The following MYH14 variants were observed in gnomAD, a reference collection of about 807,000 sequenced individuals.
MYH14 encodes myosin-14.
Under a neutral mutation model 255.5 loss-of-function variants are expected in MYH14, and 123 were observed. That is an observed-to-expected ratio of 0.48 (90% confidence interval 0.42 to 0.56). The LOEUF is 0.56. Among genes scored for constraint, MYH14 ranks in the 20% least tolerant of loss-of-function variants. The pLI is 0.00. For missense variants in MYH14, 2,423 were observed against 2,802.3 expected (o/e 0.86, Z 3.06); for synonymous variants, 1,095 against 1,161.2 (o/e 0.94, Z 1.16).
chr19:50,221,205 C>A lies in MYH14; in HGVS notation c.563-1878C>A, dbSNP rs918467210. 2.0e-5 allele frequency among the ~76,000 whole-genome samples: 3 copies of A among 152,128 alleles called. No individual in the cohort carries two copies. The highest frequency in any genetic ancestry group is 7.2e-5 in the African/African-American group (3 of 41,422). Reference sequence around the variant, plus strand: ...GAGTGCATTTTGAGCATTCTGAGTTCTGACTACAGCCCTGGGAGATGGCAG... The same window carrying A: ...GAGTGCATTTTGAGCATTCTGAGTTATGACTACAGCCCTGGGAGATGGCAG... On this transcript the variant is annotated intron_variant, in intron 3 of 42. Coordinates refer to ENST00000642316, the MANE Select transcript of MYH14 (RefSeq NM_001145809.2). This position sits in a 1 kb window ranked among gnomAD's most constrained non-coding sequence, Gnocchi z 5.3.
In MYH14 at chr19:50,250,505, CAATG is replaced by C; in HGVS notation, c.1657-9_1657-6del. 1 of 1,611,264 alleles carries C rather than the reference CAATG, an allele frequency of 6.2e-7. No homozygotes were observed. The highest frequency in any genetic ancestry group is 2.2e-5 in the East Asian group (1 of 44,810). On this transcript the variant is annotated splice_polypyrimidine_tract_variant and splice_region_variant and intron_variant, in intron 14 of 42. Coordinates refer to ENST00000642316, the MANE Select transcript of MYH14 (RefSeq NM_001145809.2). This position sits in a 1 kb window ranked among gnomAD's most constrained non-coding sequence, Gnocchi z 5.4. ...ATCTGACTTACTCTCCCCCTGCTGT[CAATG>C]GCCAGGCCAACCCCCCTGGACTCCT... is the stretch of plus-strand genomic sequence containing the variant.
rs371266692 is a variant in MYH14, at chr19:50,259,182, T to C, written c.2271T>C (p.Leu757=). ...KLEPRLVLDQ[L]RCNGVLEGIR... ...AGCCACGGCTGGTGCTGGACCAGCT[T>C]CGCTGCAACGGGGTCCTGGAGGGCA... is the stretch of plus-strand genomic sequence containing the variant. Residue 757 remains leucine (L), a synonymous_variant, in exon 19 of 43, where the codon CTT becomes CTC. Coordinates refer to ENST00000642316, the MANE Select transcript of MYH14 (RefSeq NM_001145809.2). 1.9e-6 allele frequency: 3 copies of C among 1,568,256 alleles called. No individual in the cohort carries two copies. The African/African-American group carries it at 4.1e-5, about 21-fold the overall frequency.
intron 25 of MYH14, 46 bp downstream of exon 25, chr19:50,271,592 G>T: frequency 6.3e-7 from 1 of 1,582,708 alleles, no homozygotes; most frequent in South Asian, 1.2e-5. Flanking sequence ...GGGGTGCATT[G>T]GTGGGTTAAT....
At position 50,292,360 on chromosome 19, in the gene MYH14, C is replaced by T. The variant is rs147447646; in HGVS notation, c.5227C>T (p.Leu1743=). 4,906 of 1,590,010 alleles carry T rather than the reference C, an allele frequency of 3.1e-3. 7 individuals are homozygous for T. Among genetic ancestry groups the T allele is most frequent in the Non-Finnish European group, 3.9e-3 (4,538 of 1,168,842 alleles). The part of the protein sequence containing the change: ...NRESEKRLKG[L]EAEVLRLQEE... ...GGAAAGTGAAAAGCGCCTCAAGGGC[C>T]TGGAGGCTGAGGTGCTGCGGCTGCA... The change falls in exon 37 of 43, where the codon CTG becomes TTG. Residue 1743 remains leucine, a synonymous_variant. Transcript: ENST00000642316.
At chr19:50,207,095 C>T (rs1046290072) in intron 1 of MYH14, among the ~76,000 whole-genome samples, 11 of 141,036 alleles carry the variant, frequency 7.8e-5, no homozygotes, top group African/African-American at 1.1e-4. Context: ...CCTGATGGTG[C>T]GCACCTGTGG....
chr19:50,225,473 A>C (rs2033044059), intron 6 of MYH14, 112 bp from the exon 7 acceptor site: 2 of 747,942 alleles, frequency 2.7e-6, no homozygotes, highest in African/African-American at 3.5e-5. Context: ...AGACACACAA[A>C]GGCCCCTCAC....
chr19:50,247,218 G>A, intron 12 of MYH14, 96 bp downstream of exon 12: 2 of 848,256 alleles, frequency 2.4e-6, no homozygotes, highest in Non-Finnish European at 3.8e-6. Flanking sequence ...CCACTCAACA[G>A]ACTTTTGCTG....
chr19:50,224,068 C>T, intron 5 of MYH14, 86 bp from the exon 6 acceptor site: 1 of 1,186,080 alleles, frequency 8.4e-7, no homozygotes, highest in South Asian at 1.2e-5. Context: ...CATGCCACCA[C>T]CTGAGATCAC....
At chr19:50,213,746 G>A (rs1249297880) in intron 2 of MYH14, among the ~76,000 whole-genome samples, 2 of 152,222 alleles carry the variant, frequency 1.3e-5, no homozygotes, top group African/African-American at 2.4e-5. Context: ...AGCTTGGAGA[G>A]GGGAAGCCAT....
chr19:50,278,434 G>T, intron 30 of MYH14, 145 bp downstream of exon 30: 1 of 567,808 alleles, frequency 1.8e-6, no homozygotes, highest in Non-Finnish European at 2.8e-6. Flanking sequence ...GGGCACAGTG[G>T]CTCATGTCTG....
chr19:50,249,415 T>C, intron 13 of MYH14: 1 of 585,670 alleles, frequency 1.7e-6, no homozygotes, highest in South Asian at 2.1e-5. Context: ...TCTGCATCTC[T>C]GTCCCCTGTC....
chr19:50,263,596 T>A (rs901867394), intron 22 of MYH14, among the ~76,000 whole-genome samples, 176 bp downstream of exon 22: 1 of 152,030 alleles, frequency 6.6e-6, no homozygotes, highest in African/African-American at 2.4e-5. Flanking sequence ...ACAAGAAAAA[T>A]CTGACTCGAA....
At chr19:50,258,766 A>AAACC (rs61709177) in intron 18 of MYH14, 28 of 165,348 alleles carry the variant, frequency 1.7e-4, no homozygotes, top group African/African-American at 3.5e-4. Flanking sequence ...ACAAACAAAA[A>AAACC]CCAAAAAAAC....
intron 40 of MYH14, 147 bp from the exon 41 acceptor site, chr19:50,306,902 C>A: frequency 1.5e-6 from 1 of 653,342 alleles, no homozygotes; most frequent in Non-Finnish European, 2.8e-6. Flanking sequence ...AGTGTTTGGC[C>A]TCAGTAAACT....
intron 40 of MYH14, among the ~76,000 whole-genome samples, chr19:50,304,054 C>T (rs909735082): frequency 2.6e-5 from 4 of 152,138 alleles, no homozygotes; most frequent in African/African-American, 9.7e-5. Context: ...TACTATATAT[C>T]AGGTGTTGGA....
At position 50,266,150 on chromosome 19, in the gene MYH14, C is replaced by T. The variant is rs147604704; in HGVS notation, c.2695-727C>T. Among the ~76,000 whole-genome samples, 2 of 152,300 alleles carry T rather than the reference C, an allele frequency of 1.3e-5. No individual in the cohort carries two copies. Among genetic ancestry groups the T allele is most frequent in the East Asian group, 3.9e-4 (2 of 5,192 alleles). On this transcript the variant is annotated intron_variant, in intron 22 of 42. Coordinates refer to ENST00000642316, the MANE Select transcript of MYH14 (RefSeq NM_001145809.2). The surrounding 1 kb of genome is among the most constrained non-coding windows in gnomAD (Gnocchi z 4.1). ...CAGAGCAGATCTCACTTAGCAAGGG[C>T]GACGAGGTTTTGTGAAATTTTTGTT... is the stretch of plus-strand genomic sequence containing the variant.
chr19:50,289,868 C>T (rs1239213629), intron 35 of MYH14, among the ~76,000 whole-genome samples: 2 of 152,090 alleles, frequency 1.3e-5, no homozygotes, highest in African/African-American at 4.8e-5. Context: ...CTCAGTATTT[C>T]TGCCAGTCTC....
chr19:50,261,653 C>T lies in MYH14; in HGVS notation c.2585+18C>T. 6.3e-7 allele frequency: 1 copy of T among 1,575,316 alleles called. No individual in the cohort carries two copies. The highest frequency in any genetic ancestry group is 8.6e-7 in the Non-Finnish European group (1 of 1,162,898). On this transcript the variant is annotated intron_variant, in intron 21 of 42. Coordinates refer to ENST00000642316, the MANE Select transcript of MYH14 (RefSeq NM_001145809.2). ...GCTCGCAGGTGGGCAGCCACGCTGT[C>T]TCCCGGGGTCCTGTTGGCCGAGACT...
In MYH14 at chr19:50,230,980, C is replaced by T. The variant is rs935465557; in HGVS notation, c.973+357C>T. The stretch of plus-strand genomic sequence containing the variant: ...TGACTCCGGCTTTGCTGAGGCTCCT[C>T]CTGGTTCCTGACGACGCTGGTTTGT... On this transcript the variant is annotated intron_variant, in intron 9 of 42. Transcript: ENST00000642316. This position sits in a 1 kb window ranked among gnomAD's most constrained non-coding sequence, Gnocchi z 4.7. The T allele has an allele frequency of 1.8e-5, 5 of 284,064 alleles. No homozygotes were observed. Among genetic ancestry groups the T allele is most frequent in the Non-Finnish European group, 3.4e-5 (5 of 146,164 alleles). 17.6% of individuals were successfully genotyped at this position (284,064 alleles called of 1,614,324 possible).
Sources: allele counts gnomAD v4.1 joint callset (sites outside exome capture counted in the v4.1 genomes callset), GRCh38; gene constraint gnomAD v4.1.1; non-coding constraint Gnocchi (gnomAD v3.1); transcripts MANE v1.5; gene names NCBI Gene and HGNC (gene_info 2026-07-23, HGNC 2026-07-21).